Variants in TRIM35 observed in about 807,000 individuals in gnomAD.
TRIM35 encodes tripartite motif containing 35, also known as E3 ubiquitin-protein ligase TRIM35.
Under a neutral mutation model 49.1 loss-of-function variants are expected in TRIM35, and 37 were observed. The ratio of observed to expected loss-of-function variants is 0.75; its 90% CI spans 0.58 to 0.99. The LOEUF is 0.99. TRIM35 is among the 50% of genes least tolerant of loss of function. TRIM35 has a pLI of 0.00. For missense variants in TRIM35, 648 were observed against 702.7 expected, an observed-to-expected ratio of 0.92 and a Z score of 0.88; for synonymous variants, 302 against 289.3, an observed-to-expected ratio of 1.04 and a Z score of -0.45.
At chr8:27,296,819 T>C (rs1420662288) in intron 2 of TRIM35, among the ~76,000 whole-genome samples, 2 of 152,254 alleles carry the variant, frequency 1.3e-5, no homozygotes, top group South Asian at 2.1e-4. Context: ...CATGTATTTA[T>C]GGCTCTGACA....
intron 3 of TRIM35, among the ~76,000 whole-genome samples, chr8:27,291,298 T>C (rs76490275): frequency 0.034 from 5,196 of 152,184 alleles, 324 homozygotes; most frequent in African/African-American, 0.12. Flanking sequence ...AAAAAGCCCA[T>C]GAAAAGATGT....
intron 1 of TRIM35, among the ~76,000 whole-genome samples, chr8:27,310,436 A>G (rs756348582): frequency 2.0e-5 from 3 of 152,236 alleles, no homozygotes; most frequent in Non-Finnish European, 4.4e-5. Context: ...TGAGTGTGCC[A>G]AGCTACAGGG....
At position 27,294,114 on chromosome 8, in the gene TRIM35, A is replaced by G. The variant is rs1388955163; in HGVS notation, c.728T>C (p.Met243Thr). The G allele has an allele frequency of 6.2e-7, 1 of 1,614,084 alleles. No homozygotes were observed. Among genetic ancestry groups the G allele is most frequent in the Non-Finnish European group, 8.5e-7 (1 of 1,180,028 alleles). ...AGAAACGTCGTCCTCCTTCATCTCC[A>G]TCTGCAGCCGCTCGATCTCATGTGC... Reference protein sequence around the residue: ...VLAHEIERLQMEMKEDDVSFL... With the variant: ...VLAHEIERLQTEMKEDDVSFL... The change falls in exon 3 of 6, where the codon ATG becomes ACG. Residue 243 changes from methionine to threonine, a missense_variant. By Grantham distance (81) the Met-to-Thr change is moderately conservative. Transcript: ENST00000305364.
Position 27,288,035 on chromosome 8 carries a change from C to T in TRIM35, c.997G>A (p.Val333Met), listed in dbSNP as rs758754920. 16 of 1,613,526 alleles carry T rather than the reference C, an allele frequency of 9.9e-6. No homozygotes were observed. Among genetic ancestry groups the T allele is most frequent in the Admixed American group, 1.7e-5 (1 of 60,008 alleles). ...SVTNHGYRVQ[V>M]ENPERFSSAP... ...GAGGAGAAGCGTTCCGGGTTCTCCA[C>T]CTGCACGCGGTAGCCATGGTTGGTG... Residue 333 changes from valine (V) to methionine (M), a missense_variant, in exon 6 of 6, where the codon GTG (valine) becomes ATG (methionine). Transcript: ENST00000305364.
In TRIM35 at chr8:27,287,808, G is replaced by T; in HGVS notation, c.1224C>A (p.Asp408Glu). 6.2e-7 allele frequency: 1 copy of T among 1,611,210 alleles called. No individual in the cohort carries two copies. Among genetic ancestry groups the T allele is most frequent in the Non-Finnish European group, 8.5e-7 (1 of 1,179,100 alleles). ...TGGCTGGGTCCGAGGTCACGCAGTGGTCCCCCTCCACGCCCTGCGTGCGGC... is the reference window on the plus strand; with the variant it reads ...TGGCTGGGTCCGAGGTCACGCAGTGTTCCCCCTCCACGCCCTGCGTGCGGC... ...YVCRTQGVEG[D>E]HCVTSDPATS... is the part of the protein sequence containing the mutation. The change falls in exon 6 of 6, where the codon GAC becomes GAA. Residue 408 changes from aspartate (D) to glutamate (E), a missense_variant. Physicochemically the swap from Asp to Glu is conservative, Grantham distance 45. Transcript: ENST00000305364. The surrounding 1 kb of genome is among the most constrained non-coding windows in gnomAD (Gnocchi z 6.0).
intron 1 of TRIM35, among the ~76,000 whole-genome samples, chr8:27,307,361 G>C (rs1420829955): frequency 6.6e-6 from 1 of 150,898 alleles, no homozygotes; most frequent in Non-Finnish European, 1.5e-5. Context: ...CACACACACT[G>C]CTCGCCGCCC....
Position 27,287,417 on chromosome 8 carries a change from G to C in TRIM35, c.*133C>G, listed in dbSNP as rs546373401. On this transcript the variant is annotated 3_prime_UTR_variant, in exon 6 of 6. Coordinates refer to ENST00000305364, the MANE Select transcript of TRIM35 (RefSeq NM_171982.5). This position sits in a 1 kb window ranked among gnomAD's most constrained non-coding sequence, Gnocchi z 6.0. ...AGGCACAGCCTGGAGTCATGGAAAA[G>C]GACCAGGCAGGACAGGAGGAAGAGC... The C allele has an allele frequency of 8.1e-5, 78 of 967,142 alleles. No individual in the cohort carries two copies. In the African/African-American group the frequency reaches 1.1e-3, roughly 13 times the overall value. The allele number at this position is 967,142 out of a possible 1,614,324, so 59.9% of individuals were successfully genotyped here.
Position 27,285,178 on chromosome 8 carries a change from C to T in TRIM35, c.*2372G>A, listed in dbSNP as rs1411533430. 6.6e-6 allele frequency: 1 copy of T among 152,180 alleles called. No homozygotes were observed. The highest frequency in any genetic ancestry group is 1.5e-5 in the Non-Finnish European group (1 of 68,036). The allele number at this position is 152,180 out of a possible 1,614,324, so 9.4% of individuals were successfully genotyped here. The stretch of plus-strand genomic sequence containing the variant: ...AATCACAATGAGATGCCACATTACC[C>T]CTACTAGGATGGCTAAGTTAAAAGA... On this transcript the variant is annotated 3_prime_UTR_variant, in exon 6 of 6. Transcript: ENST00000305364.
chr8:27,300,430 C>T (rs1347355876), intron 1 of TRIM35, among the ~76,000 whole-genome samples: 1 of 151,746 alleles, frequency 6.6e-6, no homozygotes, highest in Non-Finnish European at 1.5e-5. Flanking sequence ...GCCCACAGAA[C>T]CCTGACTGCA....
chr8:27,295,505 T>A (rs939008908), intron 2 of TRIM35, among the ~76,000 whole-genome samples: 3 of 152,194 alleles, frequency 2.0e-5, no homozygotes, highest in African/African-American at 7.2e-5. Context: ...AAGCAATGAA[T>A]ACACCTAACC....
Position 27,298,495 on chromosome 8 carries a change from C to G in TRIM35, c.500G>C (p.Arg167Pro), listed in dbSNP as rs750822853. 1.9e-6 allele frequency: 3 copies of G among 1,614,134 alleles called. No homozygotes were observed. In the African/African-American group the frequency reaches 4.0e-5, roughly 22 times the overall value. The change falls in exon 2 of 6, where the codon CGC becomes CCC. Residue 167 changes from arginine to proline, a missense_variant. Coordinates refer to ENST00000305364, the MANE Select transcript of TRIM35 (RefSeq NM_171982.5). ...EKAKAFWAMR[R>P]SYEAIAKHNQ... ...GTGCTTGGCGATGGCCTCATAGGAGCGCCGCATGGCCCAGAAGGCCTTGGC... is the reference window on the plus strand; with the variant it reads ...GTGCTTGGCGATGGCCTCATAGGAGGGCCGCATGGCCCAGAAGGCCTTGGC...
At position 27,299,999 on chromosome 8, in the gene TRIM35, G is replaced by A. The variant is rs189398264; in HGVS notation, c.436-1440C>T. On this transcript the variant is annotated intron_variant, in intron 1 of 5. Transcript: ENST00000305364. ...TACTAAGTCACCTCTGAGGTTAGGC[G>A]ACAAAGGCTGTGTACACCCTGCCTT... 8.8e-4 allele frequency among the ~76,000 whole-genome samples: 134 copies of A among 152,284 alleles called. 1 individual carries two copies. In the Middle Eastern group the frequency reaches 0.01, roughly 12 times the overall value.
At chr8:27,290,097 T>C in intron 4 of TRIM35, 59 bp downstream of exon 4, 1 of 1,609,412 alleles carries the variant, frequency 6.2e-7, no homozygotes, top group Non-Finnish European at 8.5e-7. Context: ...CACTGGAGTT[T>C]GCACCCCTGG....
At chr8:27,288,772 T>C (rs1048629441) in intron 5 of TRIM35, among the ~76,000 whole-genome samples, 2 of 152,148 alleles carry the variant, frequency 1.3e-5, no homozygotes, top group African/African-American at 4.8e-5. Context: ...CCTGAGTCAG[T>C]GATATTCCTC....
At chr8:27,296,645 A>G (rs1357462968) in intron 2 of TRIM35, among the ~76,000 whole-genome samples, 1 of 152,226 alleles carries the variant, frequency 6.6e-6, no homozygotes. Flanking sequence ...TCCCCAACCC[A>G]GTCCTGTACA....
intron 4 of TRIM35, 150 bp from the exon 5 acceptor site, chr8:27,289,430 T>C (rs1802407419): frequency 1.6e-6 from 1 of 644,398 alleles, no homozygotes; most frequent in Non-Finnish European, 2.8e-6. Context: ...TGGACTGGGC[T>C]ACGATGGGAG....
At position 27,287,388 on chromosome 8, in the gene TRIM35, A is replaced by G; in HGVS notation, c.*162T>C. The stretch of plus-strand genomic sequence containing the variant: ...TGGGCACAGAAGGGACCAAACATGG[A>G]GAGAGGCACAGCCTGGAGTCATGGA... On this transcript the variant is annotated 3_prime_UTR_variant, in exon 6 of 6. Transcript: ENST00000305364. The surrounding 1 kb of genome is among the most constrained non-coding windows in gnomAD (Gnocchi z 6.0). The G allele has an allele frequency of 1.3e-6, 1 of 777,018 alleles. No homozygotes were observed. The highest frequency in any genetic ancestry group is 2.0e-6 in the Non-Finnish European group (1 of 497,554). 48.1% of individuals were successfully genotyped at this position (777,018 alleles called of 1,614,324 possible).
At chr8:27,298,003 T>C (rs1258947507) in intron 2 of TRIM35, among the ~76,000 whole-genome samples, 3 of 152,068 alleles carry the variant, frequency 2.0e-5, no homozygotes, top group African/African-American at 7.2e-5. Context: ...AATGAAAGCA[T>C]GAGGCCCTAG....
chr8:27,294,366 C>A, intron 2 of TRIM35, 56 bp from the exon 3 acceptor site: 2 of 1,517,030 alleles, frequency 1.3e-6, no homozygotes, highest in Middle Eastern at 1.8e-4. Flanking sequence ...CATCCATAGC[C>A]CAGCAACTTT....
Sources: allele counts gnomAD v4.1 joint callset (sites outside exome capture counted in the v4.1 genomes callset), GRCh38; gene constraint gnomAD v4.1.1; non-coding constraint Gnocchi (gnomAD v3.1); transcripts MANE v1.5; gene names NCBI Gene and HGNC (gene_info 2026-07-23, HGNC 2026-07-21).